The following SCHIP1 variants were observed in gnomAD, a reference collection of about 807,000 sequenced individuals.
The protein encoded by SCHIP1 is schwannomin-interacting protein 1.
A neutral mutation model predicts 29.7 loss-of-function variants in SCHIP1; 8 were observed. That is an observed-to-expected ratio of 0.27 (90% confidence interval 0.16 to 0.49). The LOEUF (loss-of-function observed/expected upper bound fraction) is 0.49. Among genes scored for constraint, SCHIP1 ranks in the 20% least tolerant of loss-of-function variants. SCHIP1 has a pLI of 0.99. For missense variants in SCHIP1, 193 were observed against 294.6 expected (o/e 0.66, Z 2.52); for synonymous variants, 76 against 94.9 (o/e 0.80, Z 1.16).
At chr3:159,782,001 C>T in the SCHIP1 span, among the ~76,000 whole-genome samples, 2 of 152,204 alleles carry the variant, frequency 1.3e-5, no homozygotes, top group African/African-American at 2.4e-5. Context: ...TCTGAGGTTA[C>T]GGGCAGTCTT....
the SCHIP1 span, among the ~76,000 whole-genome samples, chr3:159,483,232 T>G: frequency 2.0e-5 from 3 of 152,166 alleles, no homozygotes; most frequent in African/African-American, 7.2e-5. Context: ...GATGCTGGTT[T>G]TGTGATTTCT....
chr3:159,522,792 C>T, the SCHIP1 span, among the ~76,000 whole-genome samples: 1 of 152,074 alleles, frequency 6.6e-6, no homozygotes, highest in East Asian at 1.9e-4. Flanking sequence ...TCCCTTGAAC[C>T]TGGGAGGCGG....
At chr3:159,593,065 G>A in the SCHIP1 span, among the ~76,000 whole-genome samples, 1 of 152,098 alleles carries the variant, frequency 6.6e-6, no homozygotes, top group Non-Finnish European at 1.5e-5. Flanking sequence ...GTGAGTTCCA[G>A]TTTCCTCATC....
chr3:159,880,385 A>G (rs1207554135), intron 2 of SCHIP1, among the ~76,000 whole-genome samples: 1 of 152,190 alleles, frequency 6.6e-6, no homozygotes, highest in Non-Finnish European at 1.5e-5. Flanking sequence ...TATTTTCCAT[A>G]TATAAGACAG....
At chr3:159,382,671 G>A in the SCHIP1 span, among the ~76,000 whole-genome samples, 1 of 150,786 alleles carries the variant, frequency 6.6e-6, no homozygotes, top group Non-Finnish European at 1.5e-5. Context: ...AGATCCCTGA[G>A]GAATCGCCAC....
chr3:159,765,068 A>G, the SCHIP1 span: 4 of 1,565,944 alleles, frequency 2.6e-6, no homozygotes, highest in Non-Finnish European at 3.5e-6. Context: ...CTGGAGAAGC[A>G]TCTGGCCGGG....
the SCHIP1 span, among the ~76,000 whole-genome samples, chr3:159,674,025 C>A: frequency 6.6e-6 from 1 of 152,132 alleles, no homozygotes; most frequent in African/African-American, 2.4e-5. Context: ...GCTTATCTAA[C>A]CTACCTGAAA....
the SCHIP1 span, chr3:159,764,218 T>G: frequency 8.3e-6 from 4 of 483,574 alleles, no homozygotes; most frequent in Non-Finnish European, 1.1e-5. This position sits in a 1 kb window ranked among gnomAD's most constrained non-coding sequence, Gnocchi z 6.1. Context: ...CCTTTGCTAA[T>G]TTGAGGGTTA....
the SCHIP1 span, among the ~76,000 whole-genome samples, chr3:159,737,563 T>A: frequency 6.6e-6 from 1 of 152,218 alleles, no homozygotes; most frequent in Non-Finnish European, 1.5e-5. Context: ...TATGTGCTAC[T>A]ATTATTGAAT....
the SCHIP1 span, among the ~76,000 whole-genome samples, chr3:159,684,281 C>A: frequency 1.3e-5 from 2 of 152,198 alleles, no homozygotes; most frequent in African/African-American, 2.4e-5. Flanking sequence ...ACCCTGCCTT[C>A]TGTTCACTCT....
chr3:159,620,948 T>C, the SCHIP1 span, among the ~76,000 whole-genome samples: 4 of 152,210 alleles, frequency 2.6e-5, 1 homozygote, highest in Non-Finnish European at 5.9e-5. Flanking sequence ...TAGCTCTAAG[T>C]TTGTATTTTC....
At chr3:159,440,536 G>C in the SCHIP1 span, among the ~76,000 whole-genome samples, 1 of 152,110 alleles carries the variant, frequency 6.6e-6, no homozygotes, top group East Asian at 1.9e-4. Flanking sequence ...TGTGCAACTT[G>C]CCTTGTTCTG....
At chr3:159,578,105 A>G in the SCHIP1 span, among the ~76,000 whole-genome samples, 1 of 152,008 alleles carries the variant, frequency 6.6e-6, no homozygotes, top group Admixed American at 6.6e-5. Context: ...TAACTAATGA[A>G]CTCACAGGTG....
chr3:159,629,399 CA>C, the SCHIP1 span, among the ~76,000 whole-genome samples: 5 of 152,212 alleles, frequency 3.3e-5, no homozygotes, highest in African/African-American at 1.2e-4. Flanking sequence ...CACCCTGTCC[CA>C]TTTTGGTACA....
At chr3:159,715,782 A>G in the SCHIP1 span, among the ~76,000 whole-genome samples, 1 of 152,238 alleles carries the variant, frequency 6.6e-6, no homozygotes, top group Admixed American at 6.5e-5. Flanking sequence ...TGATTGGTAT[A>G]CCTGAAAGTG....
the SCHIP1 span, among the ~76,000 whole-genome samples, chr3:159,503,479 G>C: frequency 2.0e-5 from 3 of 151,864 alleles, no homozygotes; most frequent in African/African-American, 7.3e-5. Flanking sequence ...TATCCCTCTG[G>C]CAATATGACA....
chr3:159,414,786 GATC>G, the SCHIP1 span, among the ~76,000 whole-genome samples: 1 of 152,128 alleles, frequency 6.6e-6, no homozygotes, highest in Non-Finnish European at 1.5e-5. Flanking sequence ...TTCAACCTCA[GATC>G]ATCAGGCATT....
the SCHIP1 span, among the ~76,000 whole-genome samples, chr3:159,590,901 G>A: frequency 6.6e-6 from 1 of 152,046 alleles, no homozygotes; most frequent in Non-Finnish European, 1.5e-5. Context: ...AGTTTGTCCA[G>A]GACTTGATTT....
the SCHIP1 span, among the ~76,000 whole-genome samples, chr3:159,487,847 G>A: frequency 6.6e-6 from 1 of 152,158 alleles, no homozygotes; most frequent in African/African-American, 2.4e-5. Flanking sequence ...AGTGGCTAAA[G>A]TTTTTACGTT....
Sources: gnomAD v4.1 joint callset for allele counts (sites outside exome capture counted in the v4.1 genomes callset) on GRCh38, gnomAD v4.1.1 for gene constraint, Gnocchi (gnomAD v3.1) non-coding constraint, MANE v1.5 for transcripts, NCBI Gene and HGNC (gene_info 2026-07-23, HGNC 2026-07-21) for gene names.